PPP2R2C: variants seen among roughly 807,000 people sequenced by gnomAD.
PPP2R2C encodes the protein protein phosphatase 2, regulatory subunit B, gamma.
PPP2R2C carries 10 observed loss-of-function variants against 45.3 expected under a neutral mutation model. That is an observed-to-expected ratio of 0.22 (90% CI 0.14 to 0.37). The LOEUF (loss-of-function observed/expected upper bound fraction) is 0.37. PPP2R2C is among the 10% of genes least tolerant of loss of function. The pLI, the probability that PPP2R2C is intolerant of heterozygous loss-of-function variation, is 1.00. For missense variants in PPP2R2C, 308 were observed against 619.7 expected, an observed-to-expected ratio of 0.50 and a Z score of 5.34; for synonymous variants, 257 against 245.4, an observed-to-expected ratio of 1.05 and a Z score of -0.44.
intron 1 of PPP2R2C, among the ~76,000 whole-genome samples, chr4:6,442,917 C>T (rs1447371512): frequency 2.0e-5 from 3 of 152,214 alleles, no homozygotes; most frequent in Non-Finnish European, 4.4e-5. Flanking sequence ...TCCCACAAGT[C>T]GCCCAAGGGG....
chr4:6,382,933 C>A, intron 1 of PPP2R2C: 1 of 1,089,636 alleles, frequency 9.2e-7, no homozygotes, highest in Non-Finnish European at 1.1e-6. Flanking sequence ...GAGAAAAGCA[C>A]AGAGTGTTCT....
intron 1 of PPP2R2C, among the ~76,000 whole-genome samples, chr4:6,546,919 G>T (rs1725005300): frequency 6.6e-6 from 1 of 152,182 alleles, no homozygotes; most frequent in South Asian, 2.1e-4. Context: ...GGGAGAAAAG[G>T]AAAGAGGGGA....
At chr4:6,375,376 C>T (rs181815084) in intron 4 of PPP2R2C, among the ~76,000 whole-genome samples, 192 of 152,258 alleles carry the variant, frequency 1.3e-3, no homozygotes, top group African/African-American at 4.1e-3. Context: ...AGGCCTCACA[C>T]GGTCCAGGCT....
intron 1 of PPP2R2C, among the ~76,000 whole-genome samples, chr4:6,547,128 C>T (rs980696258): frequency 5.3e-5 from 8 of 152,116 alleles, no homozygotes; most frequent in African/African-American, 1.9e-4. Context: ...TCAGATTCGG[C>T]GATTATCAAG....
At chr4:6,352,452 CATA>C (rs2109238350) in intron 5 of PPP2R2C, among the ~76,000 whole-genome samples, 1 of 152,318 alleles carries the variant, frequency 6.6e-6, no homozygotes, top group African/African-American at 2.4e-5. Flanking sequence ...TGGGAACAAG[CATA>C]ATTAGGCTCA....
chr4:6,337,110 GTGTATATATATATATATATATATA>G (rs1358095444), intron 6 of PPP2R2C, among the ~76,000 whole-genome samples: 4,378 of 41,564 alleles, frequency 0.11, 495 homozygotes, highest in South Asian at 0.15. Context: ...GTATGTGTGT[GTGTATATATATATATATATATATA>G]TATATATATA....
At chr4:6,348,616 T>G in intron 5 of PPP2R2C, 1 of 983,664 alleles carries the variant, frequency 1.0e-6, no homozygotes, top group Non-Finnish European at 1.2e-6. Context: ...TCGGCTCTGA[T>G]CTGTGCTCTC....
intron 2 of PPP2R2C, among the ~76,000 whole-genome samples, chr4:6,512,649 G>C (rs1723700219): frequency 9.9e-6 from 1 of 100,738 alleles, no homozygotes; most frequent in African/African-American, 3.2e-5. Flanking sequence ...TGGTGATGGT[G>C]CTGATGGTGG....
intron 1 of PPP2R2C, among the ~76,000 whole-genome samples, chr4:6,424,906 C>T (rs1719201023): frequency 6.6e-6 from 1 of 152,204 alleles, no homozygotes; most frequent in Non-Finnish European, 1.5e-5. Context: ...GCCGCCACTG[C>T]CCAGCTGTGT....
At position 6,472,338 on chromosome 4, in the gene PPP2R2C, C is replaced by G; in HGVS notation, c.-109G>C. 1 of 1,303,998 alleles carries G rather than the reference C, an allele frequency of 7.7e-7. No individual in the cohort carries two copies. Among genetic ancestry groups the G allele is most frequent in the South Asian group, 2.1e-5 (1 of 47,274 alleles). The allele number at this position is 1,303,998 out of a possible 1,614,324, so 80.8% of individuals were successfully genotyped here. On this transcript the variant is annotated 5_prime_UTR_variant, in exon 1 of 9. Transcript: ENST00000382599. Reference sequence around the variant, plus strand: ...ATGCCGCCGCAGCCTAGCAGGGGCGCGGGCCGCCGGGGCCCCGAAGGGAGG... The same window carrying G: ...ATGCCGCCGCAGCCTAGCAGGGGCGGGGGCCGCCGGGGCCCCGAAGGGAGG...
intron 1 of PPP2R2C, among the ~76,000 whole-genome samples, chr4:6,542,195 A>C (rs1380832783): frequency 6.6e-6 from 1 of 152,066 alleles, no homozygotes; most frequent in East Asian, 1.9e-4. Flanking sequence ...GTCGCCCAAC[A>C]ATAACCCCTG....
At chr4:6,449,210 C>T (rs1021633044) in intron 1 of PPP2R2C, among the ~76,000 whole-genome samples, 3 of 152,152 alleles carry the variant, frequency 2.0e-5, no homozygotes, top group African/African-American at 4.8e-5. Flanking sequence ...GCTGTGAATT[C>T]GCAGCACCGT....
chr4:6,475,015 A>C (rs1399904537), upstream of PPP2R2C, among the ~76,000 whole-genome samples: 8 of 152,180 alleles, frequency 5.3e-5, no homozygotes, highest in African/African-American at 1.4e-4. Flanking sequence ...TTGAGCATCT[A>C]CTATGTGTAG....
intron 5 of PPP2R2C, among the ~76,000 whole-genome samples, chr4:6,361,177 A>G (rs1254100586): frequency 6.6e-6 from 1 of 152,058 alleles, no homozygotes; most frequent in Non-Finnish European, 1.5e-5. Context: ...TGATTATGCA[A>G]TTCCTCTCAG....
chr4:6,465,042 A>G (rs1030364338), intron 1 of PPP2R2C, among the ~76,000 whole-genome samples: 7 of 152,194 alleles, frequency 4.6e-5, no homozygotes, highest in African/African-American at 1.7e-4. Context: ...ATGGTTGTCA[A>G]TACGTGTACT....
chr4:6,332,781 G>A lies in PPP2R2C; in HGVS notation c.960+781C>T, dbSNP rs568148616. On this transcript the variant is annotated intron_variant, in intron 7 of 8. Transcript: ENST00000382599. This position sits in a 1 kb window ranked among gnomAD's most constrained non-coding sequence, Gnocchi z 4.9. The stretch of plus-strand genomic sequence containing the variant: ...AAGCACGTGGCACCCCATGTGTGAG[G>A]AGTGACACGGTGAGGAACCGGCTGG... 2.0e-5 allele frequency among the ~76,000 whole-genome samples: 3 copies of A among 152,256 alleles called. No individual in the cohort carries two copies. The South Asian group carries it at 6.2e-4, about 32-fold the overall frequency.
At chr4:6,489,804 C>T (rs1722641868) in intron 2 of PPP2R2C, among the ~76,000 whole-genome samples, 1 of 152,108 alleles carries the variant, frequency 6.6e-6, no homozygotes, top group Non-Finnish European at 1.5e-5. Context: ...TTTGCCATAC[C>T]AGGTAGGACA....
chr4:6,475,143 G>A (rs1256676706), upstream of PPP2R2C, among the ~76,000 whole-genome samples: 2 of 152,238 alleles, frequency 1.3e-5, no homozygotes, highest in Non-Finnish European at 2.9e-5. Context: ...TACTGTGTGG[G>A]CCATGACTGG....
chr4:6,345,276 C>G lies in PPP2R2C; in HGVS notation c.790+2570G>C, dbSNP rs1711737833. On this transcript the variant is annotated intron_variant, in intron 6 of 8. Coordinates refer to ENST00000382599, the MANE Select transcript of PPP2R2C (RefSeq NM_020416.4). This position sits in a 1 kb window ranked among gnomAD's most constrained non-coding sequence, Gnocchi z 5.3. ...GGCTGTACACAGGCACAGCTGGAGG[C>G]ACATGTGGCCTGAGTGAATGGGCGG... 6.6e-6 allele frequency among the ~76,000 whole-genome samples: 1 copy of G among 152,138 alleles called. No homozygotes were observed. Among genetic ancestry groups the G allele is most frequent in the Non-Finnish European group, 1.5e-5 (1 of 68,032 alleles).
Sources: gnomAD v4.1 joint callset for allele counts (sites outside exome capture counted in the v4.1 genomes callset) on GRCh38, gnomAD v4.1.1 for gene constraint, Gnocchi (gnomAD v3.1) non-coding constraint, MANE v1.5 for transcripts, NCBI Gene and HGNC (gene_info 2026-07-23, HGNC 2026-07-21) for gene names.